SPAG16: variants seen among roughly 807,000 people sequenced by gnomAD.
SPAG16 encodes sperm-associated antigen 16 protein.
In SPAG16, 86 loss-of-function variants were observed where a neutral mutation model predicts 80.4. The ratio of observed to expected loss-of-function variants is 1.07; its 90% CI spans 0.90 to 1.28. SPAG16 has a LOEUF of 1.28. SPAG16 is among the 50% of genes most tolerant of loss of function. SPAG16 has a pLI of 0.00. For synonymous variants in SPAG16, 294 were observed against 265.9 expected, an observed-to-expected ratio of 1.11 and a Z score of -1.03; for missense variants, 870 against 765.3, an observed-to-expected ratio of 1.14 and a Z score of -1.61.
At chr2:213,666,412 C>T (rs759228937) in intron 10 of SPAG16, among the ~76,000 whole-genome samples, 18 of 151,892 alleles carry the variant, frequency 1.2e-4, no homozygotes, top group South Asian at 2.1e-4. Flanking sequence ...TTTGACACTG[C>T]GAAAGAAAAG....
intron 10 of SPAG16, among the ~76,000 whole-genome samples, chr2:213,823,195 G>A (rs973655166): frequency 1.3e-5 from 2 of 152,158 alleles, no homozygotes; most frequent in Non-Finnish European, 2.9e-5. Flanking sequence ...CACCAAAAGT[G>A]TAAAAGTGTT....
chr2:213,919,480 TTG>T (rs1482240231), intron 11 of SPAG16, among the ~76,000 whole-genome samples: 1 of 152,214 alleles, frequency 6.6e-6, no homozygotes, highest in Non-Finnish European at 1.5e-5. Flanking sequence ...TTTTGGTATG[TTG>T]TGTCTTGGTT....
intron 12 of SPAG16, among the ~76,000 whole-genome samples, chr2:213,938,864 GT>G (rs35950921): frequency 4.6e-5 from 7 of 150,960 alleles, no homozygotes; most frequent in East Asian, 1.9e-4. Context: ...TAAAGATGAG[GT>G]TTTTTTTTCT....
intron 15 of SPAG16, among the ~76,000 whole-genome samples, chr2:214,319,540 G>C (rs1253404194): frequency 6.6e-6 from 1 of 151,740 alleles, no homozygotes; most frequent in African/African-American, 2.4e-5. Context: ...ATTAATGAAG[G>C]ACTATCTATG....
chr2:214,356,527 C>T lies in SPAG16; in HGVS notation c.1721-53613C>T, dbSNP rs543393129. ...TGCAAAAAATTAATGTTTTCTAAAG[C>T]ATTTTAAGTTTTTCTTTTCTTATTT... is the stretch of plus-strand genomic sequence containing the variant. On this transcript the variant is annotated intron_variant, in intron 15 of 15. Transcript: ENST00000331683. Among the ~76,000 whole-genome samples, 33 of 151,174 alleles carry T rather than the reference C, an allele frequency of 2.2e-4. 2 individuals are homozygous for T. The South Asian group carries it at 7.0e-3, about 32-fold the overall frequency.
intron 13 of SPAG16, among the ~76,000 whole-genome samples, chr2:214,029,536 A>T (rs1469570496): frequency 6.6e-6 from 1 of 152,104 alleles, no homozygotes; most frequent in African/African-American, 2.4e-5. Flanking sequence ...ATTCTGATCC[A>T]TCTATGCAAA....
At chr2:214,291,847 C>T (rs1364946943) in intron 15 of SPAG16, among the ~76,000 whole-genome samples, 1 of 152,002 alleles carries the variant, frequency 6.6e-6, no homozygotes, top group East Asian at 1.9e-4. Flanking sequence ...TTTGGTTTAT[C>T]AGTAAGTTTT....
At chr2:214,287,371 T>G (rs1165145884) in intron 15 of SPAG16, among the ~76,000 whole-genome samples, 3 of 152,232 alleles carry the variant, frequency 2.0e-5, no homozygotes, top group Non-Finnish European at 4.4e-5. Flanking sequence ...AAATATAAGC[T>G]GACAGTTCTC....
At chr2:214,355,325 GAA>G (rs71037371) in intron 15 of SPAG16, among the ~76,000 whole-genome samples, 2,119 of 96,374 alleles carry the variant, frequency 0.022, 80 homozygotes, top group East Asian at 0.14. Context: ...AAATTTACAA[GAA>G]AAAAAAAAAA....
chr2:213,778,513 T>A (rs1403289094), intron 10 of SPAG16, among the ~76,000 whole-genome samples: 5 of 152,174 alleles, frequency 3.3e-5, no homozygotes, highest in African/African-American at 7.2e-5. Context: ...TGCTTTCATC[T>A]CTATTATATC....
intron 12 of SPAG16, among the ~76,000 whole-genome samples, chr2:213,945,782 C>A (rs949393478): frequency 6.6e-6 from 1 of 152,032 alleles, no homozygotes. Context: ...TTAGATCTGA[C>A]GGCAACTTAA....
chr2:213,390,776 T>C (rs1279021939), intron 9 of SPAG16, among the ~76,000 whole-genome samples: 1 of 152,246 alleles, frequency 6.6e-6, no homozygotes, highest in Non-Finnish European at 1.5e-5. Flanking sequence ...TAATAACTTA[T>C]GATGCATTAT....
At chr2:213,822,142 T>G (rs150174148) in intron 10 of SPAG16, among the ~76,000 whole-genome samples, 4,542 of 152,290 alleles carry the variant, frequency 0.03, 225 homozygotes, top group African/African-American at 0.1. Context: ...TCCATAGTGG[T>G]TGTACTACTT....
intron 10 of SPAG16, among the ~76,000 whole-genome samples, chr2:213,497,449 T>G (rs954696779): frequency 6.6e-6 from 1 of 151,010 alleles, no homozygotes; most frequent in East Asian, 1.9e-4. Flanking sequence ...CTACCTTGTT[T>G]TTTTTTTTTT....
At chr2:214,046,392 C>T (rs1162391079) in intron 13 of SPAG16, among the ~76,000 whole-genome samples, 1 of 152,074 alleles carries the variant, frequency 6.6e-6, no homozygotes. Context: ...GACAAAGATA[C>T]ATCAAAAAAG....
At chr2:213,805,644 T>C (rs1184236716) in intron 10 of SPAG16, among the ~76,000 whole-genome samples, 1 of 152,156 alleles carries the variant, frequency 6.6e-6, no homozygotes, top group East Asian at 1.9e-4. Context: ...AATATTCATC[T>C]TTTGGGCAGA....
chr2:213,804,916 T>A (rs921297040), intron 10 of SPAG16, among the ~76,000 whole-genome samples: 1 of 152,254 alleles, frequency 6.6e-6, no homozygotes, highest in East Asian at 1.9e-4. Flanking sequence ...AAGCGTTATC[T>A]TCATCCTCAG....
intron 13 of SPAG16, among the ~76,000 whole-genome samples, chr2:214,107,604 T>G (rs140537292): frequency 6.6e-6 from 1 of 152,314 alleles, no homozygotes; most frequent in East Asian, 1.9e-4. Context: ...TAATTTTAAT[T>G]TTAGCTATTA....
At chr2:214,248,620 C>T (rs1690030203) in intron 15 of SPAG16, among the ~76,000 whole-genome samples, 1 of 151,874 alleles carries the variant, frequency 6.6e-6, no homozygotes, top group Non-Finnish European at 1.5e-5. Flanking sequence ...CCCGGCCGTG[C>T]TAGGCACTAT....
Sources: allele counts gnomAD v4.1 joint callset (sites outside exome capture counted in the v4.1 genomes callset), GRCh38; gene constraint gnomAD v4.1.1; transcripts MANE v1.5; gene names NCBI Gene and HGNC (gene_info 2026-07-23, HGNC 2026-07-21).